The following YEATS2 variants were observed in gnomAD, a reference collection of about 807,000 sequenced individuals.
YEATS2 encodes YEATS domain containing 2, also known as YEATS domain-containing protein 2.
In YEATS2, 77 loss-of-function variants were observed where a neutral mutation model predicts 163.2. The observed-to-expected ratio is 0.47, with a 90% CI of 0.39 to 0.57. The LOEUF is 0.57. Ranked by LOEUF, YEATS2 falls within the 20% of genes least tolerant of loss-of-function variation. YEATS2 has a pLI of 0.00. For missense variants in YEATS2, 1,549 were observed against 1,729.8 expected (o/e 0.90, Z 1.85); for synonymous variants, 631 against 645.1 (o/e 0.98, Z 0.33).
chr3:183,712,114 G>A (rs1486177000), intron 1 of YEATS2, among the ~76,000 whole-genome samples: 1 of 150,718 alleles, frequency 6.6e-6, no homozygotes, highest in Admixed American at 6.7e-5. Flanking sequence ...CACTGCACCC[G>A]GCCTAAATTG....
At chr3:183,792,086 A>C (rs917169680) in intron 21 of YEATS2, among the ~76,000 whole-genome samples, 1 of 152,126 alleles carries the variant, frequency 6.6e-6, no homozygotes, top group African/African-American at 2.4e-5. Context: ...ATAATCCTTT[A>C]TCTGCAATTC....
At chr3:183,742,345 C>A (rs1719062868) in intron 8 of YEATS2, among the ~76,000 whole-genome samples, 1 of 152,164 alleles carries the variant, frequency 6.6e-6, no homozygotes, top group Admixed American at 6.6e-5. Context: ...ATTCTAGATG[C>A]CATTGAGAAC....
intron 22 of YEATS2, among the ~76,000 whole-genome samples, chr3:183,798,677 G>A (rs1725388265): frequency 1.3e-5 from 2 of 152,094 alleles, no homozygotes; most frequent in African/African-American, 4.8e-5. Flanking sequence ...TCTTAGTTTA[G>A]TGACAGGCTC....
intron 6 of YEATS2, among the ~76,000 whole-genome samples, chr3:183,726,382 G>C (rs1328007757): frequency 1.3e-5 from 2 of 152,182 alleles, no homozygotes; most frequent in Admixed American, 6.5e-5. Context: ...TTGCTGAGCA[G>C]ATCTTAAAGG....
chr3:183,740,329 T>A (rs893271865), intron 8 of YEATS2, among the ~76,000 whole-genome samples: 3 of 152,122 alleles, frequency 2.0e-5, no homozygotes, highest in African/African-American at 7.2e-5. Context: ...AAGACATTTA[T>A]GCAGCCAAAA....
In YEATS2 at chr3:183,722,030, C is replaced by T; in HGVS notation, c.431C>T (p.Ser144Phe). The T allele has an allele frequency of 1.2e-6, 2 of 1,614,104 alleles. No individual in the cohort carries two copies. Among genetic ancestry groups the T allele is most frequent in the Non-Finnish European group, 1.7e-6 (2 of 1,180,032 alleles). ...SANHSESDSL[S>F]QHNDFLSDKD... Reference sequence around the variant, plus strand: ...AATCATTCAGAAAGTGATTCTTTATCTCAGCACAATGACTTCTTATCTGAC... The same window carrying T: ...AATCATTCAGAAAGTGATTCTTTATTTCAGCACAATGACTTCTTATCTGAC... The change falls in exon 5 of 31, where the codon TCT (serine) becomes TTT (phenylalanine). Residue 144 changes from serine (S) to phenylalanine (F), a missense_variant. Ser to Phe is a radical substitution (Grantham distance 155). Transcript: ENST00000305135.
intron 19 of YEATS2, among the ~76,000 whole-genome samples, chr3:183,779,361 A>T (rs1723330670): frequency 6.6e-6 from 1 of 152,210 alleles, no homozygotes; most frequent in East Asian, 1.9e-4. Flanking sequence ...TGTTAAACAG[A>T]TACAAGGCCC....
intron 15 of YEATS2, among the ~76,000 whole-genome samples, chr3:183,764,610 G>A (rs138814100): frequency 3.5e-4 from 53 of 152,120 alleles, no homozygotes; most frequent in African/African-American, 1.2e-3. Flanking sequence ...AGGAGTTCGA[G>A]ATCAGGCCAA....
At chr3:183,810,265 A>T in intron 30 of YEATS2, 3 of 496,404 alleles carry the variant, frequency 6.0e-6, no homozygotes, top group Non-Finnish European at 1.1e-5. Context: ...CTTTTTTCCT[A>T]ATTATTCAAC....
In YEATS2 at chr3:183,733,990, G is replaced by A. The variant is rs1307513300; in HGVS notation, c.813-2728G>A. 3.9e-5 allele frequency among the ~76,000 whole-genome samples: 6 copies of A among 152,150 alleles called. No individual in the cohort carries two copies. The South Asian group carries it at 1.2e-3, about 31-fold the overall frequency. On this transcript the variant is annotated intron_variant, in intron 7 of 30. Transcript: ENST00000305135. ...CCCTTGGTGTGTGTGAAACTGGAGC[G>A]GGCCAGCTCGCCAGAGGAATCCTAG...
intron 19 of YEATS2, among the ~76,000 whole-genome samples, chr3:183,779,395 T>A (rs993712552): frequency 2.0e-5 from 3 of 152,234 alleles, no homozygotes; most frequent in African/African-American, 4.8e-5. Flanking sequence ...AGACAGTTCT[T>A]TTAAATCTTC....
chr3:183,771,871 T>C (rs548852481), intron 15 of YEATS2, among the ~76,000 whole-genome samples: 1 of 151,840 alleles, frequency 6.6e-6, no homozygotes, highest in East Asian at 1.9e-4. Flanking sequence ...GGACTACAGG[T>C]GTGTGCCACC....
intron 30 of YEATS2, 40 bp downstream of exon 30, chr3:183,809,210 CTCTTTCCTA>C: frequency 6.3e-7 from 1 of 1,597,490 alleles, no homozygotes; most frequent in Non-Finnish European, 8.6e-7. Context: ...AGGCTTACAC[CTCTTTCCTA>C]ACAGTTGAAT....
intron 21 of YEATS2, among the ~76,000 whole-genome samples, chr3:183,795,449 G>A (rs1016723261): frequency 1.9e-4 from 26 of 138,988 alleles, no homozygotes; most frequent in African/African-American, 6.3e-4. Flanking sequence ...CCACCACACG[G>A]GACTAATTTT....
At position 183,759,430 on chromosome 3, in the gene YEATS2, G is replaced by T. The variant is rs542939641; in HGVS notation, c.1656+465G>T. Among the ~76,000 whole-genome samples the T allele has an allele frequency of 2.0e-5, 3 of 152,194 alleles. No individual in the cohort carries two copies. The South Asian group carries it at 6.2e-4, about 32-fold the overall frequency. On this transcript the variant is annotated intron_variant, in intron 13 of 30. Transcript: ENST00000305135. ...ATTTATTTACTTATTTGAAAAGTTT[G>T]TTAAAAATACTTGCTTATAAAAATA...
At chr3:183,730,067 T>G (rs553982442) in intron 7 of YEATS2, among the ~76,000 whole-genome samples, 3,524 of 103,522 alleles carry the variant, frequency 0.034, 152 homozygotes, top group Non-Finnish European at 0.046. Flanking sequence ...TTTTTTTTTT[T>G]TTTTTTTTTT....
At chr3:183,774,256 A>G (rs982553642) in intron 17 of YEATS2, among the ~76,000 whole-genome samples, 1 of 152,194 alleles carries the variant, frequency 6.6e-6, no homozygotes, top group Non-Finnish European at 1.5e-5. Context: ...ACGAAGAAGC[A>G]TTACTGCCTG....
intron 28 of YEATS2, chr3:183,807,734 G>T: frequency 3.2e-6 from 1 of 311,522 alleles, no homozygotes; most frequent in Non-Finnish European, 6.0e-6. Flanking sequence ...TCAAAGTGTT[G>T]ATTGCGTATC....
At chr3:183,801,863 T>G (rs757825001) in intron 25 of YEATS2, 19 of 182,968 alleles carry the variant, frequency 1.0e-4, no homozygotes, top group Non-Finnish European at 1.6e-4. Context: ...TACCAGGTCC[T>G]GTGCAGGTTG....
Sources: gnomAD v4.1 joint callset for allele counts (sites outside exome capture counted in the v4.1 genomes callset) on GRCh38, gnomAD v4.1.1 for gene constraint, MANE v1.5 for transcripts, NCBI Gene and HGNC (gene_info 2026-07-23, HGNC 2026-07-21) for gene names.